The following CCDC32 variants were observed in gnomAD, a reference collection of about 807,000 sequenced individuals.
CCDC32 encodes coiled-coil domain containing 32, also known as coiled-coil domain-containing protein 32.
A neutral mutation model predicts 20.1 loss-of-function variants in CCDC32; 9 were observed. The observed-to-expected ratio is 0.45, with a 90% CI of 0.27 to 0.78. The LOEUF is 0.78. Among genes scored for constraint, CCDC32 ranks in the 30% least tolerant of loss-of-function variants. CCDC32 has a pLI of 0.16. For missense variants in CCDC32, 204 were observed against 215.5 expected, an observed-to-expected ratio of 0.95 and a Z score of 0.33; for synonymous variants, 63 against 79.0, an observed-to-expected ratio of 0.80 and a Z score of 1.07.
chr15:40,525,596 C>T (rs1894891382), downstream of CCDC32, among the ~76,000 whole-genome samples: 1 of 152,258 alleles, frequency 6.6e-6, no homozygotes, highest in Non-Finnish European at 1.5e-5. Context: ...CAGTCCTTCT[C>T]AGGCCACTGT....
At chr15:40,561,472 C>CA (rs1222248827) in intron 2 of CCDC32, among the ~76,000 whole-genome samples, 6,747 of 97,350 alleles carry the variant, frequency 0.069, 529 homozygotes, top group African/African-American at 0.22. Context: ...GACTCCGTCT[C>CA]AAAAAAAAAA....
chr15:40,530,524 G>A (rs1595882008), downstream of CCDC32, among the ~76,000 whole-genome samples: 1 of 35,552 alleles, frequency 2.8e-5, no homozygotes, highest in South Asian at 1.7e-3. Context: ...AAAGAGCCTG[G>A]CACCTCCTCT....
rs1255794054 is a variant in CCDC32 at position 40,528,763 on chromosome 15, C to G, written c.429G>C (p.Lys143Asn). 6 of 700,816 alleles carry G rather than the reference C, an allele frequency of 8.6e-6. No homozygotes were observed. In the South Asian group the frequency reaches 8.9e-5, roughly 10 times the overall value. The allele number at this position is 700,816 out of a possible 1,614,324, so 43.4% of individuals were successfully genotyped here. The change falls in exon 4 of 4, where the codon AAG becomes AAC. Residue 143 changes from lysine to asparagine, a missense_variant. Transcript: ENST00000560305. Reference sequence around the variant, plus strand: ...CCTCCTAGCTGGCCTGCCCAAAGCCCTTAGCACAGATCCCATTTCTCAAAA... The same window carrying G: ...CCTCCTAGCTGGCCTGCCCAAAGCCGTTAGCACAGATCCCATTTCTCAAAA...
chr15:40,546,955 G>A (rs908631821), intron 3 of CCDC32, among the ~76,000 whole-genome samples: 4 of 152,030 alleles, frequency 2.6e-5, no homozygotes, highest in Non-Finnish European at 5.9e-5. Context: ...CACCTGTCTC[G>A]GCCTCCCAAA....
At chr15:40,525,591 C>T (rs1894891302), downstream of CCDC32, among the ~76,000 whole-genome samples, 1 of 152,250 alleles carries the variant, frequency 6.6e-6, no homozygotes, top group Admixed American at 6.5e-5. Flanking sequence ...CCTACCAGTC[C>T]TTCTCAGGCC....
chr15:40,563,756 C>T (rs1466878586), intron 1 of CCDC32, among the ~76,000 whole-genome samples: 1 of 151,906 alleles, frequency 6.6e-6, no homozygotes, highest in Non-Finnish European at 1.5e-5. Context: ...CACTTTTCTC[C>T]AAAGATCTCC....
In CCDC32 at chr15:40,541,731, C is replaced by T. The variant is rs543827012; in HGVS notation, c.402-2376G>A. 2.0e-5 allele frequency among the ~76,000 whole-genome samples: 3 copies of T among 152,346 alleles called. No homozygotes were observed. The South Asian group carries it at 6.2e-4, about 32-fold the overall frequency. On this transcript the variant is annotated intron_variant, in intron 3 of 3. Coordinates refer to the CCDC32 transcript ENST00000558113. ...GGAGCTGTCTCATTCTCCTCCCTCC[C>T]TCACTCCTGCTCACCCCCTAAAATC...
Position 40,562,939 on chromosome 15 carries a change from A to G in CCDC32, c.77T>C (p.Leu26Pro). ...QDLWAEICSC[L>P]PNPEQEDGAN... The stretch of plus-strand genomic sequence containing the variant: ...ACCATCTTCTTGTTCAGGATTTGGC[A>G]GACAGGAACAAATTTCAGCCCAGAG... Residue 26 changes from leucine to proline, a missense_variant, in exon 2 of 4, where the codon CTG (leucine) becomes CCG (proline). Physicochemically the swap from Leu to Pro is moderately conservative, Grantham distance 98. Transcript: ENST00000416810. 6.2e-7 allele frequency: 1 copy of G among 1,614,244 alleles called. No homozygotes were observed. Among genetic ancestry groups the G allele is most frequent in the South Asian group, 1.1e-5 (1 of 91,090 alleles).
chr15:40,539,308 C>A, exon 4 of CCDC32: 1 of 1,535,632 alleles, frequency 6.5e-7, no homozygotes, highest in South Asian at 1.2e-5. Flanking sequence ...GTCCCACGCT[C>A]CATCCTCAGA....
chr15:40,563,520 A>G (rs1890797357), intron 1 of CCDC32, among the ~76,000 whole-genome samples: 1 of 152,168 alleles, frequency 6.6e-6, no homozygotes, highest in African/African-American at 2.4e-5. Context: ...GGTAGAAAGA[A>G]TGGGGAATTA....
At chr15:40,523,995 A>T (rs1349787785), downstream of CCDC32, among the ~76,000 whole-genome samples, 2 of 152,244 alleles carry the variant, frequency 1.3e-5, no homozygotes, top group African/African-American at 4.8e-5. Flanking sequence ...ATGAATGTTC[A>T]TAGCTGTTTT....
downstream of CCDC32, among the ~76,000 whole-genome samples, chr15:40,525,728 A>C (rs1267854420): frequency 6.6e-6 from 1 of 151,912 alleles, no homozygotes; most frequent in East Asian, 1.9e-4. Flanking sequence ...TTCTCCCTTA[A>C]GCTTTGAGTG....
intron 3 of CCDC32, among the ~76,000 whole-genome samples, chr15:40,555,156 C>A (rs953721845): frequency 6.6e-6 from 1 of 152,202 alleles, no homozygotes; most frequent in Non-Finnish European, 1.5e-5. Flanking sequence ...AACATTCCCA[C>A]AGATGTAGGC....
chr15:40,556,523 G>T (rs1022975624), intron 3 of CCDC32: 1 of 152,190 alleles, frequency 6.6e-6, no homozygotes, highest in Non-Finnish European at 1.5e-5. Flanking sequence ...AATTCATTGA[G>T]TGGCTACAAT....
downstream of CCDC32, chr15:40,535,244 A>C: frequency 7.2e-7 from 1 of 1,395,482 alleles, no homozygotes. Flanking sequence ...GCAGTAGTCT[A>C]CATGAGAGGC....
At chr15:40,540,375 T>C (rs904517163) in intron 3 of CCDC32, among the ~76,000 whole-genome samples, 1 of 151,288 alleles carries the variant, frequency 6.6e-6, no homozygotes, top group East Asian at 1.9e-4. Context: ...TTTTTCTTTT[T>C]TTTTTTTTTT....
downstream of CCDC32, among the ~76,000 whole-genome samples, chr15:40,524,058 A>G (rs537040691): frequency 6.6e-6 from 1 of 152,134 alleles, no homozygotes; most frequent in Non-Finnish European, 1.5e-5. Context: ...GAGAATGGAT[A>G]AGTAAATTGT....
At chr15:40,540,962 C>T (rs1227457526) in intron 3 of CCDC32, among the ~76,000 whole-genome samples, 3 of 152,150 alleles carry the variant, frequency 2.0e-5, no homozygotes, top group African/African-American at 7.2e-5. Context: ...CTGAACTCAC[C>T]CCCGGGGAGA....
chr15:40,535,191 TG>T, downstream of CCDC32: 1 of 1,333,362 alleles, frequency 7.5e-7, no homozygotes, highest in Non-Finnish European at 1.0e-6. Flanking sequence ...ATGAATGGAA[TG>T]GGGGAGAATG....
Sources: gnomAD v4.1 joint callset for allele counts (sites outside exome capture counted in the v4.1 genomes callset) on GRCh38, gnomAD v4.1.1 for gene constraint, MANE v1.5 for transcripts, NCBI Gene and HGNC (gene_info 2026-07-23, HGNC 2026-07-21) for gene names.